Variants in ABLIM1 observed in about 807,000 individuals in gnomAD.
ABLIM1 encodes the protein actin binding LIM protein 1, also known as actin-binding LIM protein 1.
In ABLIM1, 40 loss-of-function variants were observed where a neutral mutation model predicts 107.0. The observed-to-expected ratio is 0.37, with a 90% CI of 0.29 to 0.49. The LOEUF (loss-of-function observed/expected upper bound fraction) is 0.49, where lower values mean the gene tolerates loss of function less well. Among genes scored for constraint, ABLIM1 ranks in the 20% least tolerant of loss-of-function variants. The probability of loss-of-function intolerance (pLI) is 0.97; values close to 1 mark genes in which losing one functional copy is unlikely to be tolerated. For synonymous variants in ABLIM1, 357 were observed against 357.3 expected, an observed-to-expected ratio of 1.00 and a Z score of 0.01; for missense variants, 857 against 1,008.5, an observed-to-expected ratio of 0.85 and a Z score of 2.04.
chr10:114,602,159 G>C (rs2076063039), intron 1 of ABLIM1, among the ~76,000 whole-genome samples, 198 bp from the exon 2 acceptor site: 1 of 152,150 alleles, frequency 6.6e-6, no homozygotes, highest in Admixed American at 6.5e-5. Flanking sequence ...GTCCCGGGGG[G>C]AAAACACCAG....
chr10:114,711,573 G>A (rs148390999), intron 1 of ABLIM1, among the ~76,000 whole-genome samples: 247 of 152,302 alleles, frequency 1.6e-3, no homozygotes, highest in African/African-American at 5.6e-3. Context: ...CTTGAAAAAG[G>A]TTTAACAAAG....
At chr10:114,502,267 T>G (rs1178696926) in intron 6 of ABLIM1, 1 of 169,602 alleles carries the variant, frequency 5.9e-6, no homozygotes, top group East Asian at 1.4e-4. Context: ...GATGTGGTGT[T>G]GAATTTCCTT....
intron 6 of ABLIM1, among the ~76,000 whole-genome samples, chr10:114,512,582 T>C (rs1312791914): frequency 7.6e-6 from 1 of 131,116 alleles, no homozygotes. Flanking sequence ...CCCAGCACTT[T>C]AGGAGGCCGA....
At chr10:114,685,864 A>G (rs2080922162), upstream of ABLIM1, among the ~76,000 whole-genome samples, 1 of 152,114 alleles carries the variant, frequency 6.6e-6, no homozygotes, top group African/African-American at 2.4e-5. Flanking sequence ...TCATCGTTGC[A>G]TTCTTTATTC....
intron 1 of ABLIM1, among the ~76,000 whole-genome samples, chr10:114,735,858 A>T (rs2082168855): frequency 6.6e-6 from 1 of 152,232 alleles, no homozygotes; most frequent in Non-Finnish European, 1.5e-5. Context: ...CTGGAACAGG[A>T]ATACAATAGT....
intron 6 of ABLIM1, among the ~76,000 whole-genome samples, chr10:114,511,577 G>A (rs1337552865): frequency 2.6e-5 from 4 of 151,914 alleles, no homozygotes; most frequent in Admixed American, 1.3e-4. Context: ...TGTTGGCCAG[G>A]CTGTCTCAAA....
intron 6 of ABLIM1, among the ~76,000 whole-genome samples, chr10:114,492,363 A>G (rs2059125492): frequency 6.6e-6 from 1 of 152,140 alleles, no homozygotes; most frequent in African/African-American, 2.4e-5. Context: ...AAAATACATC[A>G]TCCACTGTTT....
chr10:114,791,852 A>G, the ABLIM1 span, among the ~76,000 whole-genome samples: 1 of 152,334 alleles, frequency 6.6e-6, no homozygotes, highest in South Asian at 2.1e-4. Flanking sequence ...CTTGAGAGAT[A>G]GTAAAATTGA....
At chr10:114,504,507 C>T (rs553787659) in intron 6 of ABLIM1, among the ~76,000 whole-genome samples, 2 of 152,258 alleles carry the variant, frequency 1.3e-5, no homozygotes, top group East Asian at 1.9e-4. Flanking sequence ...CAGAAGCTAA[C>T]CGCCTGGTAA....
chr10:114,774,749 T>A, the ABLIM1 span, among the ~76,000 whole-genome samples: 1 of 152,028 alleles, frequency 6.6e-6, no homozygotes, highest in Non-Finnish European at 1.5e-5. Context: ...AGGGGCAGCA[T>A]TTGGTAGAGC....
chr10:114,474,525 C>T (rs969546212), intron 8 of ABLIM1, among the ~76,000 whole-genome samples: 15 of 152,060 alleles, frequency 9.9e-5, no homozygotes, highest in African/African-American at 3.6e-4. Flanking sequence ...GAACTACAGG[C>T]ACCTGCCACC....
chr10:114,585,810 T>C (rs1376872424), intron 2 of ABLIM1, among the ~76,000 whole-genome samples: 1 of 152,138 alleles, frequency 6.6e-6, no homozygotes, highest in East Asian at 1.9e-4. Flanking sequence ...GGCCTCTGCA[T>C]CCTTGAGACA....
intron 6 of ABLIM1, among the ~76,000 whole-genome samples, chr10:114,499,302 C>T (rs1177144511): frequency 6.6e-6 from 1 of 152,244 alleles, no homozygotes; most frequent in Non-Finnish European, 1.5e-5. Context: ...TAAATGAAGT[C>T]ACTTCCATAG....
intron 10 of ABLIM1, among the ~76,000 whole-genome samples, chr10:114,470,533 A>G (rs1230746772): frequency 5.9e-5 from 9 of 152,176 alleles, no homozygotes; most frequent in African/African-American, 2.2e-4. Context: ...CTCAGTTGCA[A>G]GATGCAAGTA....
chr10:114,632,759 G>A, intron 1 of ABLIM1: 1 of 985,308 alleles, frequency 1.0e-6, no homozygotes, highest in African/African-American at 1.7e-5. Context: ...TGTTTCATCG[G>A]AGTTTTTAGA....
intron 1 of ABLIM1, among the ~76,000 whole-genome samples, chr10:114,674,754 G>A (rs559869105): frequency 3.4e-5 from 5 of 146,958 alleles, no homozygotes; most frequent in Non-Finnish European, 7.4e-5. Flanking sequence ...TCTCAAAAGT[G>A]GAAGTGAAGT....
rs185295758 is a variant in ABLIM1 at position 114,765,990 on chromosome 10, T to C, written c.-213+2071A>G. 9.6e-4 allele frequency among the ~76,000 whole-genome samples: 146 copies of C among 152,328 alleles called. 1 individual carries two copies. Among genetic ancestry groups the C allele is most frequent in the African/African-American group, 3.2e-3 (133 of 41,568 alleles). On this transcript the variant is annotated intron_variant, in intron 1 of 15. Coordinates refer to the ABLIM1 transcript ENST00000651092. ...TCTCTCTTCTTAGCAAATCAATGAT[T>C]GTGATGTCTATTACAATATTTGAAG...
chr10:114,694,747 G>A (rs2081160167), intron 1 of ABLIM1, among the ~76,000 whole-genome samples: 2 of 152,166 alleles, frequency 1.3e-5, no homozygotes, highest in Admixed American at 6.5e-5. Context: ...CAAGAGCTGG[G>A]GAATTTGACA....
intron 20 of ABLIM1, 119 bp from the exon 21 acceptor site, chr10:114,439,369 T>C: frequency 8.2e-6 from 8 of 978,272 alleles, no homozygotes; most frequent in Non-Finnish European, 1.3e-5. Context: ...TTTATTTGTG[T>C]CATCTAAATG....
Sources: allele counts gnomAD v4.1 joint callset (sites outside exome capture counted in the v4.1 genomes callset), GRCh38; gene constraint gnomAD v4.1.1; transcripts MANE v1.5; gene names NCBI Gene and HGNC (gene_info 2026-07-23, HGNC 2026-07-21).